Variants in POLB observed in about 807,000 individuals in gnomAD.
POLB encodes the protein 5'-dRP lyase.
A neutral mutation model predicts 52.7 loss-of-function variants in POLB; 37 were observed. The ratio of observed to expected loss-of-function variants is 0.70; its 90% CI spans 0.54 to 0.92. POLB has a LOEUF of 0.92. Ranked by LOEUF, POLB falls within the 40% of genes least tolerant of loss-of-function variation. The pLI is 0.00. For synonymous variants in POLB, 138 were observed against 131.3 expected, an observed-to-expected ratio of 1.05 and a Z score of -0.35; for missense variants, 313 against 400.8, an observed-to-expected ratio of 0.78 and a Z score of 1.87.
Position 42,344,965 on chromosome 8 carries a change from T to G in POLB, c.132T>G (p.Ser44=), listed in dbSNP as rs1462037428. 7 of 1,602,192 alleles carry G rather than the reference T, an allele frequency of 4.4e-6. No homozygotes were observed. In the African/African-American group the frequency reaches 9.4e-5, roughly 21 times the overall value. ...HKYNAYRKAA[S]VIAKYPHKIK... ...TCTTTCCTTATAGAAAAGCAGCATC[T>G]GTTATAGCAAAATACCCACACAAAA... Residue 44 remains serine, a synonymous_variant, in exon 3 of 14, where the codon TCT becomes TCG. Coordinates refer to ENST00000265421, the MANE Select transcript of POLB (RefSeq NM_002690.3).
At chr8:42,354,523 T>C (rs1039075041) in intron 6 of POLB, 64 of 1,153,546 alleles carry the variant, frequency 5.5e-5, no homozygotes, top group Non-Finnish European at 7.2e-5. Context: ...AAAATGCAGG[T>C]ACAGTAATAA....
chr8:42,364,836 G>A (rs1219984106), intron 11 of POLB, among the ~76,000 whole-genome samples: 1 of 152,222 alleles, frequency 6.6e-6, no homozygotes, highest in Non-Finnish European at 1.5e-5. Flanking sequence ...CAGAGTTTCA[G>A]TTGGGGAAGA....
intron 2 of POLB, 81 bp from the exon 3 acceptor site, chr8:42,344,872 C>A: frequency 1.2e-6 from 1 of 823,576 alleles, no homozygotes; most frequent in Non-Finnish European, 2.1e-6. Context: ...TAGATATTTG[C>A]TTGTATATGT....
intron 2 of POLB, 73 bp downstream of exon 2, chr8:42,339,142 G>T (rs1822036418): frequency 8.8e-7 from 1 of 1,139,180 alleles, no homozygotes. Flanking sequence ...TAACAGGACT[G>T]AGGGCCCAGT....
At chr8:42,344,235 G>A (rs1194361584) in intron 2 of POLB, among the ~76,000 whole-genome samples, 1 of 151,484 alleles carries the variant, frequency 6.6e-6, no homozygotes, top group Non-Finnish European at 1.5e-5. Context: ...TTGGGAGGCT[G>A]AGGCGGGTGG....
At chr8:42,370,266 T>TTTG (rs1563411039) in intron 13 of POLB, 3 of 455,076 alleles carry the variant, frequency 6.6e-6, no homozygotes, top group African/African-American at 2.1e-5. Flanking sequence ...AGGGTTTTTT[T>TTTG]TTTTTTTTTT....
In POLB at chr8:42,340,966, C is replaced by T. The variant is rs541908008; in HGVS notation, c.119+1897C>T. The stretch of plus-strand genomic sequence containing the variant: ...AGCTCATCGGGATAAGTGAGAGGGC[C>T]AGCAGTCTAGACAAATAAAATGTGC... On this transcript the variant is annotated intron_variant, in intron 2 of 13. Transcript: ENST00000265421. Among the ~76,000 whole-genome samples, 5 of 152,286 alleles carry T rather than the reference C, an allele frequency of 3.3e-5. No homozygotes were observed. The East Asian group carries it at 5.8e-4, about 18-fold the overall frequency.
intron 5 of POLB, 147 bp from the exon 6 acceptor site, chr8:42,352,372 G>T: frequency 1.5e-6 from 1 of 650,886 alleles, no homozygotes; most frequent in South Asian, 1.8e-5. Context: ...TCGTACTTCG[G>T]ATACAGTTGA....
chr8:42,366,675 G>A (rs1179383520), intron 11 of POLB, among the ~76,000 whole-genome samples: 3 of 152,144 alleles, frequency 2.0e-5, no homozygotes, highest in African/African-American at 7.2e-5. Flanking sequence ...CATTATAGAA[G>A]AATAAATTTG....
At chr8:42,350,759 G>A (rs1044760175) in intron 5 of POLB, among the ~76,000 whole-genome samples, 5 of 152,010 alleles carry the variant, frequency 3.3e-5, no homozygotes, top group African/African-American at 7.3e-5. Context: ...CAGCATTTTC[G>A]GTGAAAGTTA....
intron 11 of POLB, among the ~76,000 whole-genome samples, chr8:42,363,842 A>G (rs1156310471): frequency 6.6e-6 from 1 of 152,148 alleles, no homozygotes. Context: ...TTCAAGATGA[A>G]TGGCTAGTGG....
intron 11 of POLB, 173 bp from the exon 12 acceptor site, chr8:42,369,098 G>C: frequency 2.2e-6 from 1 of 455,322 alleles, no homozygotes. Flanking sequence ...TTATCGTGAA[G>C]TGTAATAGAA....
intron 6 of POLB, among the ~76,000 whole-genome samples, chr8:42,354,719 G>A (rs1330180510): frequency 1.3e-5 from 2 of 151,298 alleles, no homozygotes; most frequent in Non-Finnish European, 2.9e-5. Flanking sequence ...AATTTTTGAA[G>A]TTTTAGTGGA....
chr8:42,343,320 T>A (rs2130777948), intron 2 of POLB, among the ~76,000 whole-genome samples: 1 of 2,390 alleles, frequency 4.2e-4, no homozygotes, highest in East Asian at 0.028. Context: ...AGACTGCGTC[T>A]CAAAAAAAAA....
chr8:42,344,903 A>C, intron 2 of POLB, 50 bp from the exon 3 acceptor site: 57 of 996,804 alleles, frequency 5.7e-5, no homozygotes, highest in Non-Finnish European at 8.4e-5. Flanking sequence ...AAGAAAAATT[A>C]AGGCCTTGAT....
At chr8:42,351,132 C>A (rs1178445701) in intron 5 of POLB, among the ~76,000 whole-genome samples, 2 of 152,132 alleles carry the variant, frequency 1.3e-5, no homozygotes, top group African/African-American at 4.8e-5. Context: ...ACTTAAGCCT[C>A]CCAGAGTGCT....
Position 42,371,689 on chromosome 8 carries a change from A to C in POLB, c.*32A>C. On this transcript the variant is annotated 3_prime_UTR_variant, in exon 14 of 14. Coordinates refer to ENST00000265421, the MANE Select transcript of POLB (RefSeq NM_002690.3). ...TATCCTCCCTGGCAGACACAACCCAATAGGAGTCTTAATTTATTTCTTAAC... is the reference window on the plus strand; with the variant it reads ...TATCCTCCCTGGCAGACACAACCCACTAGGAGTCTTAATTTATTTCTTAAC... 2.5e-6 allele frequency: 3 copies of C among 1,213,748 alleles called. No homozygotes were observed. Among genetic ancestry groups the C allele is most frequent in the Non-Finnish European group, 3.7e-6 (3 of 815,544 alleles). 75.2% of individuals were successfully genotyped at this position (1,213,748 alleles called of 1,614,324 possible).
chr8:42,345,284 C>T lies in POLB; in HGVS notation c.186+265C>T, dbSNP rs1172869281. On this transcript the variant is annotated intron_variant, in intron 3 of 13. Transcript: ENST00000265421. ...CTCTCTGTTACAATATATACATGTACTCACGTTGAATTTCAACTTGAGTGT... is the reference window on the plus strand; with the variant it reads ...CTCTCTGTTACAATATATACATGTATTCACGTTGAATTTCAACTTGAGTGT... Among the ~76,000 whole-genome samples the T allele has an allele frequency of 2.6e-5, 4 of 152,284 alleles. No individual in the cohort carries two copies. In the East Asian group the frequency reaches 7.7e-4, roughly 29 times the overall value.
At chr8:42,368,279 G>A (rs1824165960) in intron 11 of POLB, among the ~76,000 whole-genome samples, 1 of 152,146 alleles carries the variant, frequency 6.6e-6, no homozygotes, top group African/African-American at 2.4e-5. Context: ...AAGTTGAGTT[G>A]GAACTTGTTA....
Sources: gnomAD v4.1 joint callset for allele counts (sites outside exome capture counted in the v4.1 genomes callset) on GRCh38, gnomAD v4.1.1 for gene constraint, MANE v1.5 for transcripts, NCBI Gene and HGNC (gene_info 2026-07-23, HGNC 2026-07-21) for gene names.